Variants in DOCK9 observed in about 807,000 individuals in gnomAD.
DOCK9 encodes the protein dedicator of cytokinesis protein 9.
Under a neutral mutation model 263.3 loss-of-function variants are expected in DOCK9, and 89 were observed. The ratio of observed to expected loss-of-function variants is 0.34; its 90% confidence interval spans 0.28 to 0.40. The LOEUF is 0.40. Ranked by LOEUF, DOCK9 falls within the 10% of genes least tolerant of loss-of-function variation. The pLI, the probability that DOCK9 is intolerant of heterozygous loss-of-function variation, is 1.00. For synonymous variants in DOCK9, 976 were observed against 973.1 expected, an observed-to-expected ratio of 1.00 and a Z score of -0.06; for missense variants, 2,140 against 2,603.4, an observed-to-expected ratio of 0.82 and a Z score of 3.87.
At position 98,880,082 on chromosome 13, in the gene DOCK9, C is replaced by T. The variant is rs571852955; in HGVS notation, c.2872-113G>A. 215 of 745,662 alleles carry T rather than the reference C, an allele frequency of 2.9e-4. 2 individuals are homozygous for T. In the South Asian group the frequency reaches 3.2e-3, roughly 11 times the overall value. The allele number at this position is 745,662 out of a possible 1,614,324, so 46.2% of individuals were successfully genotyped here. A position where few individuals can be genotyped will look rare whatever the true frequency, so the allele number is the denominator to read the frequency against. The stretch of plus-strand genomic sequence containing the variant: ...ATAAAGCAGGTGTGACCCTAAAACA[C>T]GGCTGCACCTCTTGGCACATTATGA... On this transcript the variant is annotated intron_variant, in intron 26 of 52. Coordinates refer to ENST00000682017, the MANE Select transcript of DOCK9 (RefSeq NM_001366683.2).
At chr13:98,905,980 C>T (rs2049029278) in intron 9 of DOCK9, among the ~76,000 whole-genome samples, 1 of 152,166 alleles carries the variant, frequency 6.6e-6, no homozygotes, top group Non-Finnish European at 1.5e-5. Flanking sequence ...CACAGCAGGG[C>T]CGATTAACAA....
intron 39 of DOCK9, among the ~76,000 whole-genome samples, chr13:98,832,427 A>G (rs755126363): frequency 6.6e-6 from 1 of 152,084 alleles, no homozygotes; most frequent in Non-Finnish European, 1.5e-5. Flanking sequence ...AAGTGTAGAA[A>G]CCATCTGACG....
chr13:98,986,229 G>C (rs970288516), intron 1 of DOCK9, among the ~76,000 whole-genome samples: 1 of 152,192 alleles, frequency 6.6e-6, no homozygotes, highest in Non-Finnish European at 1.5e-5. Context: ...CTTACTTAAA[G>C]CAAGTTCCTT....
At chr13:98,985,027 A>G (rs1307952096) in intron 1 of DOCK9, among the ~76,000 whole-genome samples, 1 of 144,502 alleles carries the variant, frequency 6.9e-6, no homozygotes, top group African/African-American at 2.5e-5. Flanking sequence ...CAACAAGAAC[A>G]TAACAGAACT....
At chr13:98,832,018 G>C (rs574150206) in intron 39 of DOCK9, 20 of 528,524 alleles carry the variant, frequency 3.8e-5, no homozygotes, top group Non-Finnish European at 5.6e-5. Flanking sequence ...GAGTTGAAAG[G>C]AACACTTGCT....
At position 98,880,676 on chromosome 13, in the gene DOCK9, T is replaced by G. The variant is rs1482538399; in HGVS notation, c.2746-4A>C. ...ATGGCTCAGCCTTATACGCGTACTT[T>G]GAAGAAAAGAGAAAGAGACTTTAAT... On this transcript the variant is annotated splice_region_variant and splice_polypyrimidine_tract_variant and intron_variant, in intron 25 of 52. Transcript: ENST00000682017. 6.2e-7 allele frequency: 1 copy of G among 1,612,850 alleles called. No individual in the cohort carries two copies. The highest frequency in any genetic ancestry group is 1.7e-5 in the Admixed American group (1 of 59,900).
At chr13:99,006,818 G>A (rs925278248) in intron 1 of DOCK9, among the ~76,000 whole-genome samples, 3 of 152,188 alleles carry the variant, frequency 2.0e-5, no homozygotes, top group East Asian at 3.8e-4. Flanking sequence ...ATGGTGGGGT[G>A]TGGTGGCTCA....
At position 98,793,695 on chromosome 13, in the gene DOCK9, C is replaced by T. The variant is rs1239859256; in HGVS notation, c.*931G>A. 1 of 152,630 alleles carries T rather than the reference C, an allele frequency of 6.6e-6. No homozygotes were observed. Among genetic ancestry groups the T allele is most frequent in the African/African-American group, 2.4e-5 (1 of 41,442 alleles). The allele number at this position is 152,630 out of a possible 1,614,324, so 9.5% of individuals were successfully genotyped here. A position where few individuals can be genotyped will look rare whatever the true frequency, so the allele number is the denominator to read the frequency against. Reference sequence around the variant, plus strand: ...ATTTATGATTTACCAATTACATACTCCACCATTTTGGCAAAAGGATGAAAT... The same window carrying T: ...ATTTATGATTTACCAATTACATACTTCACCATTTTGGCAAAAGGATGAAAT... On this transcript the variant is annotated 3_prime_UTR_variant, in exon 53 of 53. Coordinates refer to ENST00000682017, the MANE Select transcript of DOCK9 (RefSeq NM_001366683.2).
chr13:98,797,825 G>A (rs532393823), intron 50 of DOCK9, among the ~76,000 whole-genome samples: 4 of 152,330 alleles, frequency 2.6e-5, no homozygotes, highest in African/African-American at 9.6e-5. Context: ...TCCAGGTCAA[G>A]GATTCTTACT....
chr13:98,883,957 T>C (rs1161107509), intron 21 of DOCK9, 58 bp from the exon 22 acceptor site: 6 of 1,247,860 alleles, frequency 4.8e-6, no homozygotes, highest in Non-Finnish European at 6.8e-6. Flanking sequence ...GGCTCTAACA[T>C]GATCATCAAT....
intron 39 of DOCK9, among the ~76,000 whole-genome samples, chr13:98,836,164 G>A (rs2092992100): frequency 6.6e-6 from 1 of 152,146 alleles, no homozygotes; most frequent in African/African-American, 2.4e-5. Flanking sequence ...TGCCCCGTGT[G>A]CCTGTAGCTC....
At chr13:99,087,370 G>T (rs1435073776), upstream of DOCK9, among the ~76,000 whole-genome samples, 3 of 152,232 alleles carry the variant, frequency 2.0e-5, no homozygotes, top group Non-Finnish European at 4.4e-5. Flanking sequence ...TATGTCGCCT[G>T]TAACCTGAGG....
At chr13:98,814,894 C>T (rs2091675489) in intron 45 of DOCK9, among the ~76,000 whole-genome samples, 1 of 151,426 alleles carries the variant, frequency 6.6e-6, no homozygotes, top group Non-Finnish European at 1.5e-5. Context: ...ACTGAAATCG[C>T]ACCACTGCAC....
At chr13:99,015,561 A>T (rs772317390) in intron 1 of DOCK9, 4 of 1,598,220 alleles carry the variant, frequency 2.5e-6, no homozygotes, top group Non-Finnish European at 3.4e-6. Context: ...TTCTTTCAAA[A>T]ACGGTGCGGA....
intron 2 of DOCK9, among the ~76,000 whole-genome samples, chr13:98,936,240 C>G (rs1401920667): frequency 6.6e-6 from 1 of 152,006 alleles, no homozygotes; most frequent in Non-Finnish European, 1.5e-5. Flanking sequence ...CTCCATTATC[C>G]AAAACTCTCC....
intron 1 of DOCK9, among the ~76,000 whole-genome samples, chr13:99,045,351 G>A (rs889010341): frequency 2.0e-5 from 3 of 152,074 alleles, no homozygotes; most frequent in East Asian, 1.9e-4. Context: ...GAAAGAAATC[G>A]TCTGCAACAA....
intron 52 of DOCK9, among the ~76,000 whole-genome samples, chr13:98,795,746 G>A (rs944240562): frequency 2.2e-5 from 3 of 138,282 alleles, no homozygotes; most frequent in African/African-American, 5.3e-5. Context: ...TTCTCTAATC[G>A]TTTCAATTTT....
chr13:98,874,156 C>T (rs978136212), intron 27 of DOCK9, among the ~76,000 whole-genome samples: 5 of 152,242 alleles, frequency 3.3e-5, no homozygotes, highest in Non-Finnish European at 1.5e-5. Context: ...TCCCCACCTC[C>T]AGTCCTGGGC....
intron 13 of DOCK9, among the ~76,000 whole-genome samples, chr13:98,900,646 T>C (rs915211888): frequency 5.9e-5 from 9 of 152,196 alleles, no homozygotes; most frequent in African/African-American, 1.9e-4. Flanking sequence ...CATGATCTGT[T>C]TGATCCTAAC....
Sources: gnomAD v4.1 joint callset for allele counts (sites outside exome capture counted in the v4.1 genomes callset) on GRCh38, gnomAD v4.1.1 for gene constraint, MANE v1.5 for transcripts, NCBI Gene and HGNC (gene_info 2026-07-23, HGNC 2026-07-21) for gene names.